MAN1C1: variants seen among roughly 807,000 people sequenced by gnomAD.
MAN1C1 encodes mannosyl-oligosaccharide 1,2-alpha-mannosidase IC.
MAN1C1 carries 49 observed loss-of-function variants against 71.5 expected under a neutral mutation model. The observed-to-expected ratio is 0.69, with a 90% CI of 0.54 to 0.87. The LOEUF is 0.87. Among genes scored for constraint, MAN1C1 ranks in the 40% least tolerant of loss-of-function variants. MAN1C1 has a pLI of 0.00. For synonymous variants in MAN1C1, 352 were observed against 343.7 expected (o/e 1.02, Z -0.27); for missense variants, 743 against 835.0 (o/e 0.89, Z 1.36).
chr1:25,651,455 C>T (rs947361570), intron 1 of MAN1C1, among the ~76,000 whole-genome samples: 16 of 152,162 alleles, frequency 1.1e-4, no homozygotes, highest in African/African-American at 3.4e-4. Flanking sequence ...CTCCTGTTTC[C>T]ATTCTGCCCT....
chr1:25,778,290 C>T lies in MAN1C1; in HGVS notation c.1443C>T (p.Ile481=). 6.2e-7 allele frequency: 1 copy of T among 1,613,624 alleles called. No individual in the cohort carries two copies. Among genetic ancestry groups the T allele is most frequent in the South Asian group, 1.1e-5 (1 of 91,052 alleles). Residue 481 remains isoleucine (I), a synonymous_variant, in exon 9 of 12, where the codon ATC becomes ATT. Transcript: ENST00000374332. This position sits in a 1 kb window ranked among gnomAD's most constrained non-coding sequence, Gnocchi z 5.5. The part of the protein sequence containing the change: ...RAHYRELAAQ[I]TKTCHESYAR... ...ACTACCGAGAGCTCGCAGCCCAGAT[C>T]ACCAAGACGTGTCACGAGTCATACG...
At chr1:25,686,598 G>A (rs754562485) in intron 2 of MAN1C1, 62 bp downstream of exon 2, 560 of 1,463,824 alleles carry the variant, frequency 3.8e-4, no homozygotes, top group Non-Finnish European at 4.9e-4. Flanking sequence ...GTGGCCGAGT[G>A]GAATTTTACT....
rs112765118 is a variant in MAN1C1, at chr1:25,711,626, A to G, written c.637+25090A>G. Among the ~76,000 whole-genome samples, 3 of 152,282 alleles carry G rather than the reference A, an allele frequency of 2.0e-5. No individual in the cohort carries two copies. The highest frequency in any genetic ancestry group is 7.2e-5 in the African/African-American group (3 of 41,536). On this transcript the variant is annotated intron_variant, in intron 2 of 11. Transcript: ENST00000374332. The surrounding 1 kb of genome is among the most constrained non-coding windows in gnomAD (Gnocchi z 4.3). Reference sequence around the variant, plus strand: ...CATGTATTGAGCACCACTGTGTGCCAGGCCCTGCTCCCTGCGGCCCCGCCC... The same window carrying G: ...CATGTATTGAGCACCACTGTGTGCCGGGCCCTGCTCCCTGCGGCCCCGCCC...
chr1:25,692,434 C>G (rs2046321362), intron 2 of MAN1C1, among the ~76,000 whole-genome samples: 1 of 152,158 alleles, frequency 6.6e-6, no homozygotes, highest in African/African-American at 2.4e-5. Context: ...GCTGTGTTGC[C>G]TGGGCTGATC....
intron 9 of MAN1C1, 121 bp from the exon 10 acceptor site, chr1:25,780,819 C>A: frequency 9.8e-7 from 1 of 1,023,618 alleles, no homozygotes; most frequent in Non-Finnish European, 1.5e-6. Context: ...GGGCACCCCA[C>A]ACCCACACAC....
At chr1:25,755,202 C>T (rs1005774809) in intron 5 of MAN1C1, among the ~76,000 whole-genome samples, 2 of 152,144 alleles carry the variant, frequency 1.3e-5, no homozygotes, top group African/African-American at 2.4e-5. Flanking sequence ...TGAGCTGCAC[C>T]TCCTCACTGG....
At chr1:25,716,926 G>A (rs1391224962) in intron 2 of MAN1C1, among the ~76,000 whole-genome samples, 2 of 152,184 alleles carry the variant, frequency 1.3e-5, no homozygotes, top group African/African-American at 2.4e-5. Context: ...ATCACACAGT[G>A]TGTATTCTTG....
At chr1:25,752,060 G>T (rs893705172) in intron 4 of MAN1C1, among the ~76,000 whole-genome samples, 3 of 152,194 alleles carry the variant, frequency 2.0e-5, no homozygotes, top group Non-Finnish European at 2.9e-5. Context: ...CTTTGCTTAA[G>T]ATGAAGCTTC....
At chr1:25,621,505 T>A (rs964747613) in intron 1 of MAN1C1, among the ~76,000 whole-genome samples, 3 of 152,160 alleles carry the variant, frequency 2.0e-5, no homozygotes, top group Non-Finnish European at 2.9e-5. Flanking sequence ...CAAACAGACT[T>A]GTCTCACACA....
At position 25,709,084 on chromosome 1, in the gene MAN1C1, G is replaced by A. The variant is rs547725014; in HGVS notation, c.637+22548G>A. Among the ~76,000 whole-genome samples the A allele has an allele frequency of 2.0e-5, 3 of 152,312 alleles. No individual in the cohort carries two copies. The South Asian group carries it at 6.2e-4, about 32-fold the overall frequency. On this transcript the variant is annotated intron_variant, in intron 2 of 11. Transcript: ENST00000374332. ...AAGCCTAACACCTACTAGGCTGAAA[G>A]TCACCCCAGGGCACTAAGCCAGGGA...
At chr1:25,626,551 G>T (rs558099814) in intron 1 of MAN1C1, among the ~76,000 whole-genome samples, 1 of 151,912 alleles carries the variant, frequency 6.6e-6, no homozygotes, top group South Asian at 2.1e-4. Context: ...GTAGAGATGG[G>T]GTTTCACTGT....
At chr1:25,633,057 G>A (rs554696185) in intron 1 of MAN1C1, among the ~76,000 whole-genome samples, 51 of 151,902 alleles carry the variant, frequency 3.4e-4, no homozygotes, top group Admixed American at 7.2e-4. Context: ...TAGTAGAGAC[G>A]GGGTTTCACC....
intron 1 of MAN1C1, among the ~76,000 whole-genome samples, chr1:25,643,230 T>TTTAATTAA (rs71577785): frequency 1.8e-4 from 23 of 124,994 alleles, no homozygotes; most frequent in Middle Eastern, 4.0e-3. Context: ...CTACCTCCCT[T>TTTAATTAA]TTAATTAATT....
At position 25,725,553 on chromosome 1, in the gene MAN1C1, G is replaced by A. The variant is rs1190577736; in HGVS notation, c.638-21115G>A. Reference sequence around the variant, plus strand: ...ACAGCACGTGCAAGGGCATGGTGGCGTGAGAGTACAGGAGTACTTGTTAGG... The same window carrying A: ...ACAGCACGTGCAAGGGCATGGTGGCATGAGAGTACAGGAGTACTTGTTAGG... On this transcript the variant is annotated intron_variant, in intron 2 of 11. Transcript: ENST00000374332. This position sits in a 1 kb window ranked among gnomAD's most constrained non-coding sequence, Gnocchi z 4.8. 6.6e-6 allele frequency among the ~76,000 whole-genome samples: 1 copy of A among 152,186 alleles called. No individual in the cohort carries two copies. Among genetic ancestry groups the A allele is most frequent in the Non-Finnish European group, 1.5e-5 (1 of 68,028 alleles).
intron 2 of MAN1C1, among the ~76,000 whole-genome samples, chr1:25,687,616 G>C (rs537806103): frequency 6.6e-6 from 1 of 152,264 alleles, no homozygotes; most frequent in Non-Finnish European, 1.5e-5. Context: ...CCCCCATCGT[G>C]TGCAGCCCTA....
intron 8 of MAN1C1, 117 bp downstream of exon 8, chr1:25,771,889 C>G (rs1158879728): frequency 1.4e-6 from 1 of 727,936 alleles, no homozygotes; most frequent in Non-Finnish European, 2.4e-6. Context: ...GCTCCCACCC[C>G]CTGCAATGAA....
chr1:25,755,907 G>A (rs2047279915), intron 5 of MAN1C1, among the ~76,000 whole-genome samples: 1 of 152,216 alleles, frequency 6.6e-6, no homozygotes, highest in South Asian at 2.1e-4. Flanking sequence ...GGCTCACAGG[G>A]CTGAGCAGAG....
intron 1 of MAN1C1, among the ~76,000 whole-genome samples, chr1:25,684,387 C>A (rs2046198516): frequency 6.6e-6 from 1 of 152,196 alleles, no homozygotes; most frequent in Non-Finnish European, 1.5e-5. Context: ...GCTGTGTTAC[C>A]ATGACGTTTG....
At chr1:25,727,003 G>A (rs2046841343) in intron 2 of MAN1C1, among the ~76,000 whole-genome samples, 1 of 152,022 alleles carries the variant, frequency 6.6e-6, no homozygotes, top group South Asian at 2.1e-4. Flanking sequence ...GTTGCAGTGA[G>A]CTGAAAGTGC....
Sources: gnomAD v4.1 joint callset for allele counts (sites outside exome capture counted in the v4.1 genomes callset) on GRCh38, gnomAD v4.1.1 for gene constraint, Gnocchi (gnomAD v3.1) non-coding constraint, MANE v1.5 for transcripts, NCBI Gene and HGNC (gene_info 2026-07-23, HGNC 2026-07-21) for gene names.